Variants in COLEC12 observed in about 807,000 individuals in gnomAD.
The protein encoded by COLEC12 is collectin-12.
COLEC12 carries 33 observed loss-of-function variants against 71.1 expected under a neutral mutation model. That is an observed-to-expected ratio of 0.46 (90% CI 0.35 to 0.62). COLEC12 has a LOEUF of 0.62. COLEC12 is among the 20% of genes least tolerant of loss of function. COLEC12 has a pLI of 0.00. For synonymous variants in COLEC12, 350 were observed against 353.0 expected (o/e 0.99, Z 0.10); for missense variants, 765 against 916.1 (o/e 0.84, Z 2.13).
chr18:478,630 A>G (rs1452689621), intron 2 of COLEC12, among the ~76,000 whole-genome samples: 1 of 152,130 alleles, frequency 6.6e-6, no homozygotes, highest in Non-Finnish European at 1.5e-5. Context: ...AAATAATAAA[A>G]TAAAACACAA....
In COLEC12 at chr18:389,194, T is replaced by TAC. The variant is rs978242836; in HGVS notation, c.59-31674_59-31673dup. On this transcript the variant is annotated intron_variant, in intron 2 of 9. Transcript: ENST00000400256. ...GGGATATAAAAAAATAAATGTCCAT[T>TAC]ACACACACACACAGACACACACACA... 1.9e-4 allele frequency among the ~76,000 whole-genome samples: 23 copies of TAC among 124,210 alleles called. No homozygotes were observed. The East Asian group carries it at 3.8e-3, about 21-fold the overall frequency. 81.5% of individuals were successfully genotyped at this position (124,210 alleles called of 152,430 possible).
chr18:443,496 T>C, intron 2 of COLEC12, among the ~76,000 whole-genome samples: 1 of 152,234 alleles, frequency 6.6e-6, no homozygotes. Flanking sequence ...TAGTTGGTTC[T>C]GGAAGTGTGG....
chr18:494,324 T>C (rs1917670970), intron 1 of COLEC12, among the ~76,000 whole-genome samples: 2 of 152,242 alleles, frequency 1.3e-5, no homozygotes, highest in African/African-American at 2.4e-5. Context: ...TGGCTCATAA[T>C]TGGCAATTAA....
chr18:374,990 G>A (rs549462527), intron 2 of COLEC12, among the ~76,000 whole-genome samples: 6 of 152,298 alleles, frequency 3.9e-5, no homozygotes, highest in South Asian at 2.1e-4. Context: ...GTACAATGTC[G>A]ACAGTGGAGG....
intron 2 of COLEC12, among the ~76,000 whole-genome samples, chr18:406,514 TC>T (rs1915790835): frequency 1.5e-4 from 2 of 13,426 alleles, no homozygotes; most frequent in African/African-American, 3.6e-4. Flanking sequence ...AGACTCCGTC[TC>T]AAAAAAAAAA....
chr18:319,710 T>A lies in COLEC12; in HGVS notation c.*335A>T, dbSNP rs1485965897. On this transcript the variant is annotated 3_prime_UTR_variant, in exon 10 of 10. Transcript: ENST00000400256. ...ACAGTATATGCTTAAGTTCTTCCCA[T>A]AACTCAACGACCAATGATAACCTTT... The A allele has an allele frequency of 3.0e-6, 1 of 330,900 alleles. No individual in the cohort carries two copies. Among genetic ancestry groups the A allele is most frequent in the African/African-American group, 2.2e-5 (1 of 45,008 alleles). The allele number at this position is 330,900 out of a possible 1,614,324, so 20.5% of individuals were successfully genotyped here.
chr18:409,148 T>G (rs1020438380), intron 2 of COLEC12, among the ~76,000 whole-genome samples: 3 of 152,156 alleles, frequency 2.0e-5, no homozygotes, highest in Non-Finnish European at 4.4e-5. Context: ...GTACCACACT[T>G]ATTATCAGCT....
chr18:391,120 G>A lies in COLEC12; in HGVS notation c.59-33598C>T, dbSNP rs139168766. On this transcript the variant is annotated intron_variant, in intron 2 of 9. Transcript: ENST00000400256. ...CTAAACCAAAGTCTCAGATTTGGCT[G>A]TCAGGGGGTCTTATTCCTATCGCCT... Among the ~76,000 whole-genome samples the A allele has an allele frequency of 3.8e-3, 586 of 152,298 alleles. 1 individual carries two copies. Among genetic ancestry groups the A allele is most frequent in the Non-Finnish European group, 6.2e-3 (419 of 68,020 alleles).
At chr18:478,299 A>C (rs1280471838) in intron 2 of COLEC12, among the ~76,000 whole-genome samples, 1 of 152,214 alleles carries the variant, frequency 6.6e-6, no homozygotes, top group Non-Finnish European at 1.5e-5. Flanking sequence ...GCTCCCTTAT[A>C]GGTGAAAACA....
At position 443,334 on chromosome 18, in the gene COLEC12, T is replaced by C. The variant is rs1916582185; in HGVS notation, c.58+37373A>G. On this transcript the variant is annotated intron_variant, in intron 2 of 9. Coordinates refer to ENST00000400256, the MANE Select transcript of COLEC12 (RefSeq NM_130386.3). Reference sequence around the variant, plus strand: ...ATCTGGAAAAATTGATACATCCATTTCCTCATGGCTGAAAGAAACCAAAGG... The same window carrying C: ...ATCTGGAAAAATTGATACATCCATTCCCTCATGGCTGAAAGAAACCAAAGG... Among the ~76,000 whole-genome samples, 3 of 152,248 alleles carry C rather than the reference T, an allele frequency of 2.0e-5. No individual in the cohort carries two copies. In the South Asian group the frequency reaches 6.2e-4, roughly 32 times the overall value.
In COLEC12 at chr18:408,556, T is replaced by C. The variant is rs1235247551; in HGVS notation, c.59-51034A>G. ...ATTAAGCTTGAATTATTCATAGCGG[T>C]CTCAAAGTTGAAATCCTCCAGGGAA... On this transcript the variant is annotated intron_variant, in intron 2 of 9. Coordinates refer to ENST00000400256, the MANE Select transcript of COLEC12 (RefSeq NM_130386.3). This position sits in a 1 kb window ranked among gnomAD's most constrained non-coding sequence, Gnocchi z 4.3. 5.3e-5 allele frequency among the ~76,000 whole-genome samples: 8 copies of C among 151,560 alleles called. No individual in the cohort carries two copies. Among genetic ancestry groups the C allele is most frequent in the Non-Finnish European group, 1.0e-4 (7 of 67,964 alleles).
In COLEC12 at chr18:500,021, G is replaced by A. The variant is rs527619693; in HGVS notation, c.7+487C>T. 4.7e-4 allele frequency among the ~76,000 whole-genome samples: 72 copies of A among 152,330 alleles called. No individual in the cohort carries two copies. Among genetic ancestry groups the A allele is most frequent in the African/African-American group, 1.7e-3 (69 of 41,592 alleles). ...CTAATCATTGCCAGATGTGGCGAGG[G>A]CGCACGGAGAACATCCCCAGTCCCG... On this transcript the variant is annotated intron_variant, in intron 1 of 9. Transcript: ENST00000400256. The surrounding 1 kb of genome is among the most constrained non-coding windows in gnomAD (Gnocchi z 5.3).
chr18:490,331 A>T (rs1402607783), intron 1 of COLEC12, among the ~76,000 whole-genome samples: 1 of 152,234 alleles, frequency 6.6e-6, no homozygotes, highest in African/African-American at 2.4e-5. Context: ...AATTGTGAGC[A>T]AAAAACCAGC....
chr18:347,410 C>G, intron 4 of COLEC12, 69 bp from the exon 5 acceptor site: 1 of 1,305,492 alleles, frequency 7.7e-7, no homozygotes. Context: ...CCAAAGATCC[C>G]GAACACACTT....
At chr18:490,664 T>C (rs1917603856) in intron 1 of COLEC12, among the ~76,000 whole-genome samples, 1 of 152,188 alleles carries the variant, frequency 6.6e-6, no homozygotes. Context: ...GTCCAACAGA[T>C]AACCAGCACT....
intron 2 of COLEC12, among the ~76,000 whole-genome samples, chr18:467,143 C>T (rs1449914541): frequency 1.3e-5 from 2 of 152,174 alleles, no homozygotes; most frequent in African/African-American, 4.8e-5. Context: ...TCCTTCCTTT[C>T]TTCCTTCCTT....
intron 2 of COLEC12, among the ~76,000 whole-genome samples, chr18:465,463 G>C (rs1181197617): frequency 1.3e-5 from 2 of 152,124 alleles, no homozygotes; most frequent in Non-Finnish European, 2.9e-5. Flanking sequence ...CCCATCACTT[G>C]AAATTTTTAT....
chr18:329,015 C>A (rs954110626), intron 8 of COLEC12, among the ~76,000 whole-genome samples: 1 of 152,118 alleles, frequency 6.6e-6, no homozygotes, highest in Non-Finnish European at 1.5e-5. Flanking sequence ...AGAAGCACAG[C>A]CTGTGTGGTG....
chr18:412,411 G>A (rs1915909566), intron 2 of COLEC12, among the ~76,000 whole-genome samples: 1 of 151,028 alleles, frequency 6.6e-6, no homozygotes, highest in African/African-American at 2.4e-5. Context: ...CATTCTCAGA[G>A]GAAGGAAAAC....
Sources: gnomAD v4.1 joint callset for allele counts (sites outside exome capture counted in the v4.1 genomes callset) on GRCh38, gnomAD v4.1.1 for gene constraint, Gnocchi (gnomAD v3.1) non-coding constraint, MANE v1.5 for transcripts, NCBI Gene and HGNC (gene_info 2026-07-23, HGNC 2026-07-21) for gene names.